Variants in ADAM12 observed in about 807,000 individuals in gnomAD.
ADAM12 encodes the protein disintegrin and metalloproteinase domain-containing protein 12.
In ADAM12, 70 loss-of-function variants were observed where a neutral mutation model predicts 106.4. That is an observed-to-expected ratio of 0.66 (90% CI 0.54 to 0.80). The LOEUF is 0.80. ADAM12 is among the 30% of genes least tolerant of loss of function. ADAM12 has a pLI of 0.00. For synonymous variants in ADAM12, 420 were observed against 433.5 expected (o/e 0.97, Z 0.39); for missense variants, 1,010 against 1,171.9 (o/e 0.86, Z 2.02).
chr10:126,317,953 G>T (rs528020447), intron 2 of ADAM12, among the ~76,000 whole-genome samples: 39 of 152,174 alleles, frequency 2.6e-4, no homozygotes, highest in African/African-American at 9.2e-4. Context: ...CAGCACTTGA[G>T]ATCTGTTTCT....
intron 3 of ADAM12, among the ~76,000 whole-genome samples, chr10:126,187,493 A>T (rs2133795658): frequency 6.6e-6 from 1 of 152,232 alleles, no homozygotes; most frequent in Admixed American, 6.5e-5. Context: ...GCTGTATTTG[A>T]TGTCTGTAGG....
At chr10:126,259,636 C>T (rs943236757) in intron 3 of ADAM12, among the ~76,000 whole-genome samples, 2 of 152,202 alleles carry the variant, frequency 1.3e-5, no homozygotes, top group African/African-American at 4.8e-5. Context: ...TTGTTCTCTA[C>T]TACAAACGCT....
intron 2 of ADAM12, among the ~76,000 whole-genome samples, chr10:126,280,652 A>G (rs1333722095): frequency 1.3e-5 from 2 of 152,214 alleles, no homozygotes; most frequent in Admixed American, 6.5e-5. Flanking sequence ...ATTAGGTACA[A>G]ACTCAAGGGT....
intron 2 of ADAM12, among the ~76,000 whole-genome samples, chr10:126,317,845 G>A (rs915541153): frequency 6.6e-6 from 1 of 151,912 alleles, no homozygotes; most frequent in African/African-American, 2.4e-5. Flanking sequence ...TGCAACCTCC[G>A]CCTCCTGAGT....
chr10:126,334,280 T>C (rs924080587), intron 1 of ADAM12, among the ~76,000 whole-genome samples: 1 of 152,198 alleles, frequency 6.6e-6, no homozygotes, highest in Non-Finnish European at 1.5e-5. Flanking sequence ...AGTTTGCATA[T>C]ATTTTATTTT....
chr10:126,257,425 G>A (rs41433246), intron 3 of ADAM12, among the ~76,000 whole-genome samples: 1,584 of 152,290 alleles, frequency 0.01, 29 homozygotes, highest in African/African-American at 0.036. Flanking sequence ...AAAGGAACTC[G>A]ATCTGACTCA....
chr10:126,366,231 ATCC>A (rs1855904299), intron 1 of ADAM12, among the ~76,000 whole-genome samples: 1 of 152,182 alleles, frequency 6.6e-6, no homozygotes, highest in South Asian at 2.1e-4. Context: ...ATGGATTCCT[ATCC>A]TCACCTTTTG....
intron 3 of ADAM12, among the ~76,000 whole-genome samples, chr10:126,175,664 C>T (rs1289521379): frequency 1.3e-5 from 2 of 152,118 alleles, no homozygotes; most frequent in African/African-American, 2.4e-5. Context: ...GAGAGAGGGA[C>T]GTGATGTGAT....
rs116739051 is a variant in ADAM12 at position 126,069,418 on chromosome 10, C to T, written c.1323+2059G>A. On this transcript the variant is annotated intron_variant, in intron 12 of 22. Transcript: ENST00000448723. ...TATCCTACAAAATAAGGACCTTAACCGCAGAAATACAAAGTTGGTAACTGC... is the reference window on the plus strand; with the variant it reads ...TATCCTACAAAATAAGGACCTTAACTGCAGAAATACAAAGTTGGTAACTGC... Among the ~76,000 whole-genome samples the T allele has an allele frequency of 2.5e-3, 381 of 152,270 alleles. 1 individual carries two copies. Among genetic ancestry groups the T allele is most frequent in the Admixed American group, 5.0e-3 (77 of 15,302 alleles).
chr10:126,335,587 T>A (rs896664713), intron 1 of ADAM12, among the ~76,000 whole-genome samples: 23 of 152,348 alleles, frequency 1.5e-4, no homozygotes, highest in Middle Eastern at 3.4e-3. Flanking sequence ...CCTTTCAGAT[T>A]CACATTTTCA....
intron 2 of ADAM12, among the ~76,000 whole-genome samples, chr10:126,299,918 A>T (rs1206060136): frequency 2.0e-5 from 3 of 152,218 alleles, no homozygotes; most frequent in African/African-American, 7.2e-5. Flanking sequence ...TGCTGGGATT[A>T]CAGGGGTGAG....
chr10:126,314,972 A>C (rs1412756815), intron 2 of ADAM12, among the ~76,000 whole-genome samples: 3 of 152,176 alleles, frequency 2.0e-5, no homozygotes, highest in African/African-American at 7.2e-5. Flanking sequence ...CTGGTAAGGT[A>C]ATTAACGTTC....
intron 3 of ADAM12, among the ~76,000 whole-genome samples, chr10:126,192,079 C>T (rs1192465934): frequency 6.6e-6 from 1 of 152,186 alleles, no homozygotes; most frequent in Non-Finnish European, 1.5e-5. Context: ...ATCCAATCAC[C>T]TCCCACTAGT....
At chr10:126,130,972 T>C (rs1393301800) in intron 5 of ADAM12, among the ~76,000 whole-genome samples, 7 of 152,202 alleles carry the variant, frequency 4.6e-5, no homozygotes, top group Non-Finnish European at 8.8e-5. Context: ...AAAGATAACC[T>C]GAAAATTATC....
chr10:126,079,961 G>A (rs1200478665), intron 11 of ADAM12, among the ~76,000 whole-genome samples: 2 of 152,170 alleles, frequency 1.3e-5, no homozygotes, highest in Non-Finnish European at 2.9e-5. Flanking sequence ...TTAGGCATGT[G>A]CTAAAAATCC....
chr10:126,050,554 C>T (rs4962503), intron 14 of ADAM12, among the ~76,000 whole-genome samples: 20,036 of 152,220 alleles, frequency 0.13, 1,402 homozygotes, highest in Middle Eastern at 0.28. Flanking sequence ...CTTCTGATGG[C>T]CAGGATGCCG....
Position 126,039,149 on chromosome 10 carries a change from C to T in ADAM12, c.2240+145G>A, listed in dbSNP as rs1278254. On this transcript the variant is annotated intron_variant, in intron 19 of 22. Transcript: ENST00000448723. ...TGATATTTTGTATTTTTAGTAGAGACGGGGTTTCACCGTGGTCTCGATCTC... is the reference window on the plus strand; with the variant it reads ...TGATATTTTGTATTTTTAGTAGAGATGGGGTTTCACCGTGGTCTCGATCTC... The T allele has an allele frequency of 6.3e-3, 5,592 of 892,648 alleles. 168 individuals are homozygous for T. The African/African-American group carries it at 0.07, about 11-fold the overall frequency. The allele number at this position is 892,648 out of a possible 1,614,324, so 55.3% of individuals were successfully genotyped here.
intron 1 of ADAM12, among the ~76,000 whole-genome samples, chr10:126,353,430 G>A (rs1855428874): frequency 1.3e-5 from 2 of 152,204 alleles, no homozygotes; most frequent in Admixed American, 1.3e-4. Flanking sequence ...GGACAGTGGT[G>A]AAGGAGGTTT....
In ADAM12 at chr10:126,360,650, T is replaced by C. The variant is rs186900981; in HGVS notation, c.88+27408A>G. 3.8e-4 allele frequency among the ~76,000 whole-genome samples: 58 copies of C among 151,952 alleles called. No individual in the cohort carries two copies. The South Asian group carries it at 6.9e-3, about 18-fold the overall frequency. ...GTCCATATCACTATCAGCATTTTGG[T>C]CAAAGCAATTCAACAAGTCTCTAGG... On this transcript the variant is annotated intron_variant, in intron 1 of 22. Coordinates refer to ENST00000448723, the MANE Select transcript of ADAM12 (RefSeq NM_001288973.2).
Sources: allele counts gnomAD v4.1 joint callset (sites outside exome capture counted in the v4.1 genomes callset), GRCh38; gene constraint gnomAD v4.1.1; transcripts MANE v1.5; gene names NCBI Gene and HGNC (gene_info 2026-07-23, HGNC 2026-07-21).